CYP4X1: variants seen among roughly 807,000 people sequenced by gnomAD.
CYP4X1 encodes the protein cytochrome P450 4X1.
In CYP4X1, 44 loss-of-function variants were observed where a neutral mutation model predicts 57.9. That is an observed-to-expected ratio of 0.76 (90% CI 0.60 to 0.98). CYP4X1 has a LOEUF of 0.98. Ranked by LOEUF, CYP4X1 falls within the 50% of genes least tolerant of loss-of-function variation. The pLI is 0.00. For synonymous variants in CYP4X1, 227 were observed against 228.6 expected, an observed-to-expected ratio of 0.99 and a Z score of 0.06; for missense variants, 532 against 623.9, an observed-to-expected ratio of 0.85 and a Z score of 1.57.
chr1:47,022,580 C>T (rs1372621731), upstream of CYP4X1, among the ~76,000 whole-genome samples: 1 of 151,794 alleles, frequency 6.6e-6, no homozygotes, highest in Non-Finnish European at 1.5e-5. Context: ...TGAGCCACCG[C>T]GCCCGGCCCC....
the CYP4X1 span, among the ~76,000 whole-genome samples, chr1:46,992,328 T>C: frequency 1.3e-5 from 2 of 152,200 alleles, no homozygotes; most frequent in Non-Finnish European, 2.9e-5. Flanking sequence ...TTCATGATGA[T>C]TTAGAAACCT....
chr1:46,982,877 C>A, the CYP4X1 span, among the ~76,000 whole-genome samples: 4 of 152,198 alleles, frequency 2.6e-5, no homozygotes, highest in African/African-American at 4.8e-5. Flanking sequence ...TTTTTGTTAC[C>A]TCCCCATCTT....
chr1:47,021,920 G>T (rs532224561), upstream of CYP4X1, among the ~76,000 whole-genome samples: 1 of 152,266 alleles, frequency 6.6e-6, no homozygotes, highest in South Asian at 2.1e-4. Context: ...ACCGGACCAG[G>T]CAAGATATCA....
At chr1:46,984,091 C>G in the CYP4X1 span, among the ~76,000 whole-genome samples, 4 of 142,606 alleles carry the variant, frequency 2.8e-5, no homozygotes, top group Non-Finnish European at 6.1e-5. Context: ...TGGTGTCAGT[C>G]TGGAGGCCCA....
chr1:47,009,922 A>G, the CYP4X1 span, among the ~76,000 whole-genome samples: 8 of 152,194 alleles, frequency 5.3e-5, no homozygotes, highest in Admixed American at 4.6e-4. Context: ...ATAATTAATA[A>G]CTTACCAAAC....
At chr1:47,043,112 A>T (rs577625106) in intron 8 of CYP4X1, among the ~76,000 whole-genome samples, 1 of 152,120 alleles carries the variant, frequency 6.6e-6, no homozygotes, top group African/African-American at 2.4e-5. Flanking sequence ...TATCCACACC[A>T]TCATCTATTA....
At chr1:47,042,421 T>C (rs1189184051) in intron 8 of CYP4X1, among the ~76,000 whole-genome samples, 1 of 152,144 alleles carries the variant, frequency 6.6e-6, no homozygotes, top group African/African-American at 2.4e-5. Flanking sequence ...TTGCAATTTG[T>C]GTTTTCTTCA....
intron 1 of CYP4X1, among the ~76,000 whole-genome samples, chr1:47,028,863 T>C (rs983013084): frequency 1.3e-5 from 2 of 152,200 alleles, no homozygotes; most frequent in Admixed American, 1.3e-4. Flanking sequence ...TGAAAAAATA[T>C]TCACATTGTT....
At chr1:47,013,555 T>A in the CYP4X1 span, among the ~76,000 whole-genome samples, 1 of 152,186 alleles carries the variant, frequency 6.6e-6, no homozygotes, top group East Asian at 1.9e-4. Context: ...TATGTGATGT[T>A]CAAACAATAT....
At chr1:46,990,747 C>G in the CYP4X1 span, among the ~76,000 whole-genome samples, 1 of 151,938 alleles carries the variant, frequency 6.6e-6, no homozygotes, top group African/African-American at 2.4e-5. Context: ...CATGTCCTTC[C>G]CAGGGACATG....
chr1:47,023,793 C>T lies in CYP4X1; in HGVS notation c.-25C>T, dbSNP rs770295823. On this transcript the variant is annotated 5_prime_UTR_variant, in exon 1 of 12. Transcript: ENST00000371901. ...CCCTCTCCCGCGCCCCAGGAAACCG[C>T]CGGCGTTCGGCGCTGCGCAGAGCCA... The T allele has an allele frequency of 3.8e-6, 6 of 1,599,924 alleles. No individual in the cohort carries two copies. Among genetic ancestry groups the T allele is most frequent in the Non-Finnish European group, 5.1e-6 (6 of 1,171,438 alleles).
the CYP4X1 span, among the ~76,000 whole-genome samples, chr1:46,999,616 T>C: frequency 8.5e-5 from 13 of 152,244 alleles, no homozygotes; most frequent in African/African-American, 3.1e-4. Flanking sequence ...TTGCTTTGGG[T>C]TTGTTATTGT....
At chr1:47,013,411 GACA>G in the CYP4X1 span, among the ~76,000 whole-genome samples, 6 of 152,122 alleles carry the variant, frequency 3.9e-5, no homozygotes, top group African/African-American at 1.4e-4. Flanking sequence ...GCCTACTTGG[GACA>G]ACAGAGATAG....
chr1:47,012,843 G>C, the CYP4X1 span, among the ~76,000 whole-genome samples: 1 of 152,308 alleles, frequency 6.6e-6, no homozygotes, highest in African/African-American at 2.4e-5. Flanking sequence ...ACTTGGGAGT[G>C]AGTTTTTAAA....
intron 8 of CYP4X1, among the ~76,000 whole-genome samples, chr1:47,040,229 A>G (rs1179935156): frequency 6.6e-6 from 1 of 152,148 alleles, no homozygotes; most frequent in Non-Finnish European, 1.5e-5. Context: ...CTACCCTGGC[A>G]TGGGAGCTCA....
chr1:47,034,688 A>G (rs997621437), intron 4 of CYP4X1, among the ~76,000 whole-genome samples: 5 of 152,122 alleles, frequency 3.3e-5, no homozygotes, highest in African/African-American at 1.2e-4. Context: ...AGTGCAAGCT[A>G]GTGAGAGAGA....
chr1:47,013,116 G>A, the CYP4X1 span, among the ~76,000 whole-genome samples: 3 of 152,020 alleles, frequency 2.0e-5, no homozygotes, highest in African/African-American at 7.3e-5. Context: ...GGTGGTGTTT[G>A]CTTTTAAAGT....
chr1:47,001,054 A>G, the CYP4X1 span: 1 of 233,432 alleles, frequency 4.3e-6, no homozygotes, highest in Non-Finnish European at 9.8e-6. Context: ...AAGCTCGTTC[A>G]TGGCAAATTG....
At chr1:46,977,706 A>T in the CYP4X1 span, among the ~76,000 whole-genome samples, 2 of 151,966 alleles carry the variant, frequency 1.3e-5, no homozygotes, top group Non-Finnish European at 2.9e-5. Flanking sequence ...GAGGGAAAAA[A>T]TGTTAAGACA....
Sources: gnomAD v4.1 joint callset for allele counts (sites outside exome capture counted in the v4.1 genomes callset) on GRCh38, gnomAD v4.1.1 for gene constraint, MANE v1.5 for transcripts, NCBI Gene and HGNC (gene_info 2026-07-23, HGNC 2026-07-21) for gene names.